Variants in CLINT1 observed in about 807,000 individuals in gnomAD.
The protein encoded by CLINT1 is clathrin interactor 1.
A neutral mutation model predicts 70.4 loss-of-function variants in CLINT1; 15 were observed. That is an observed-to-expected ratio of 0.21 (90% confidence interval 0.14 to 0.33). The LOEUF (loss-of-function observed/expected upper bound fraction) is 0.33. Ranked by LOEUF, CLINT1 falls within the 10% of genes least tolerant of loss-of-function variation. CLINT1 has a pLI of 1.00. For synonymous variants in CLINT1, 227 were observed against 254.7 expected (o/e 0.89, Z 1.04); for missense variants, 615 against 778.1 (o/e 0.79, Z 2.49).
intron 1 of CLINT1, among the ~76,000 whole-genome samples, chr5:157,829,116 G>GCAACAA (rs1311054997): frequency 6.6e-6 from 1 of 151,018 alleles, no homozygotes; most frequent in South Asian, 2.1e-4. Flanking sequence ...AACAACAACA[G>GCAACAA]CAACAACAAC....
intron 1 of CLINT1, among the ~76,000 whole-genome samples, chr5:157,820,638 T>C (rs1212738830): frequency 6.6e-6 from 1 of 152,202 alleles, no homozygotes; most frequent in Non-Finnish European, 1.5e-5. Flanking sequence ...AATGGCATTT[T>C]AATCCTTCCT....
At chr5:157,833,955 A>C (rs1231399949) in intron 1 of CLINT1, among the ~76,000 whole-genome samples, 1 of 152,054 alleles carries the variant, frequency 6.6e-6, no homozygotes, top group Non-Finnish European at 1.5e-5. Flanking sequence ...AAACAAAAAC[A>C]GTGTATTGTA....
At chr5:157,837,667 C>T (rs1399104894) in intron 1 of CLINT1, among the ~76,000 whole-genome samples, 3 of 62,226 alleles carry the variant, frequency 4.8e-5, no homozygotes, top group Admixed American at 1.5e-4. Context: ...TTTTTTGAGA[C>T]GGAGTCTCAC....
intron 9 of CLINT1, among the ~76,000 whole-genome samples, chr5:157,793,670 CTAAAG>C (rs1424471645): frequency 5.9e-5 from 9 of 152,214 alleles, no homozygotes; most frequent in Admixed American, 1.3e-4. Context: ...TTTGGTTTGC[CTAAAG>C]TAAAGTATTA....
At chr5:157,807,001 A>G (rs1253616380) in intron 6 of CLINT1, among the ~76,000 whole-genome samples, 1 of 152,048 alleles carries the variant, frequency 6.6e-6, no homozygotes, top group Non-Finnish European at 1.5e-5. Context: ...CGAAAGAGAG[A>G]GAAAGAGAGA....
chr5:157,804,521 T>C (rs1032180946), intron 7 of CLINT1, among the ~76,000 whole-genome samples: 1 of 152,200 alleles, frequency 6.6e-6, no homozygotes, highest in South Asian at 2.1e-4. Flanking sequence ...TATACTGTGA[T>C]TCCAAAACAC....
Position 157,859,065 on chromosome 5 carries a change from C to T in CLINT1, c.-95G>A, listed in dbSNP as rs926778065. Reference sequence around the variant, plus strand: ...CGGGGCAGTTCCAGGCCGGGGTCACCGCCGCCCGCCGCCTCGAACTCCCCC... The same window carrying T: ...CGGGGCAGTTCCAGGCCGGGGTCACTGCCGCCCGCCGCCTCGAACTCCCCC... On this transcript the variant is annotated 5_prime_UTR_variant, in exon 1 of 12. Coordinates refer to ENST00000411809, the MANE Select transcript of CLINT1 (RefSeq NM_014666.4). 7.9e-6 allele frequency: 11 copies of T among 1,388,202 alleles called. No individual in the cohort carries two copies. Among genetic ancestry groups the T allele is most frequent in the Non-Finnish European group, 1.1e-5 (11 of 1,008,698 alleles). The allele number at this position is 1,388,202 out of a possible 1,614,324, so 86.0% of individuals were successfully genotyped here. A position where few individuals can be genotyped will look rare whatever the true frequency, so the allele number is the denominator to read the frequency against.
intron 1 of CLINT1, among the ~76,000 whole-genome samples, chr5:157,831,734 G>A (rs375188735): frequency 6.1e-4 from 76 of 124,032 alleles, no homozygotes; most frequent in African/African-American, 2.2e-3. Flanking sequence ...TTGCTCTGTC[G>A]CCAGGCTGGA....
At chr5:157,848,343 C>A (rs186768960) in intron 1 of CLINT1, among the ~76,000 whole-genome samples, 1 of 151,338 alleles carries the variant, frequency 6.6e-6, no homozygotes, top group African/African-American at 2.4e-5. Flanking sequence ...GCAATCCACC[C>A]GCCTCTCCCT....
rs1227614515 is a variant in CLINT1 at position 157,851,452 on chromosome 5, G to GCCA, written c.41+7475_41+7477dup. Among the ~76,000 whole-genome samples the GCCA allele has an allele frequency of 3.9e-5, 6 of 152,170 alleles. No individual in the cohort carries two copies. In the East Asian group the frequency reaches 1.2e-3, roughly 29 times the overall value. ...ACCTGCAATTCCAGCATTTTGGGAGGCCACGGTGGGTAGATTGCTTGAGCT... is the reference window on the plus strand; with the variant it reads ...ACCTGCAATTCCAGCATTTTGGGAGGCCACCACGGTGGGTAGATTGCTTGAGCT... On this transcript the variant is annotated intron_variant, in intron 1 of 11. Transcript: ENST00000411809.
chr5:157,834,221 C>T (rs1348257208), intron 1 of CLINT1, among the ~76,000 whole-genome samples: 1 of 152,070 alleles, frequency 6.6e-6, no homozygotes, highest in Non-Finnish European at 1.5e-5. Flanking sequence ...AAAAAGTTAG[C>T]CAGGCATGGC....
At chr5:157,791,681 C>T (rs762201040) in intron 10 of CLINT1, 22 bp downstream of exon 10, 3 of 1,580,570 alleles carry the variant, frequency 1.9e-6, no homozygotes, top group Non-Finnish European at 2.6e-6. Context: ...ATAACAAATT[C>T]CAAGGGAACC....
At chr5:157,852,202 A>G (rs1753599052) in intron 1 of CLINT1, among the ~76,000 whole-genome samples, 1 of 152,260 alleles carries the variant, frequency 6.6e-6, no homozygotes. Context: ...CAAAATATTA[A>G]GAATTGGCAG....
At chr5:157,790,898 G>C (rs769189040) in intron 10 of CLINT1, among the ~76,000 whole-genome samples, 1 of 152,154 alleles carries the variant, frequency 6.6e-6, no homozygotes, top group African/African-American at 2.4e-5. Flanking sequence ...ATATAATGTA[G>C]AGCAGGTCCA....
intron 1 of CLINT1, among the ~76,000 whole-genome samples, chr5:157,832,026 C>T (rs1444919512): frequency 1.3e-5 from 2 of 150,602 alleles, no homozygotes; most frequent in African/African-American, 4.9e-5. Flanking sequence ...CTCGCACTGT[C>T]CCCCAAGCTG....
chr5:157,791,121 C>T (rs544391614), intron 10 of CLINT1, among the ~76,000 whole-genome samples: 1 of 152,148 alleles, frequency 6.6e-6, no homozygotes, highest in Non-Finnish European at 1.5e-5. Context: ...TGCAGTGGCG[C>T]GATCTCAGCT....
At chr5:157,824,699 G>A (rs1187772130) in intron 1 of CLINT1, among the ~76,000 whole-genome samples, 3 of 152,156 alleles carry the variant, frequency 2.0e-5, no homozygotes, top group Non-Finnish European at 4.4e-5. Flanking sequence ...GTTTGGAAAA[G>A]TACAGAAGAA....
chr5:157,786,896 CAGA>C lies in CLINT1; in HGVS notation c.*747_*749del, dbSNP rs2113110676. On this transcript the variant is annotated 3_prime_UTR_variant, in exon 12 of 12. Transcript: ENST00000411809. ...GTAAATAATGACTGCTAAAAACAAA[CAGA>C]AGTTTTTTTCTTTTAAAGGAAACCA... The C allele has an allele frequency of 6.6e-6, 1 of 152,282 alleles. No individual in the cohort carries two copies. Among genetic ancestry groups the C allele is most frequent in the South Asian group, 2.1e-4 (1 of 4,828 alleles). 9.4% of individuals were successfully genotyped at this position (152,282 alleles called of 1,614,324 possible). A position where few individuals can be genotyped will look rare whatever the true frequency, so the allele number is the denominator to read the frequency against.
At chr5:157,806,735 T>TA (rs1162649057) in intron 6 of CLINT1, among the ~76,000 whole-genome samples, 1 of 152,220 alleles carries the variant, frequency 6.6e-6, no homozygotes, top group Non-Finnish European at 1.5e-5. Flanking sequence ...CAAACTTTTA[T>TA]ATAACTATAG....
Sources: allele counts gnomAD v4.1 joint callset (sites outside exome capture counted in the v4.1 genomes callset), GRCh38; gene constraint gnomAD v4.1.1; transcripts MANE v1.5; gene names NCBI Gene and HGNC (gene_info 2026-07-23, HGNC 2026-07-21).